SYT1: variants seen among roughly 807,000 people sequenced by gnomAD.
The protein encoded by SYT1 is synaptotagmin 1.
Under a neutral mutation model 44.8 loss-of-function variants are expected in SYT1, and 8 were observed. That is an observed-to-expected ratio of 0.18 (90% CI 0.10 to 0.32). The LOEUF is 0.32. Ranked by LOEUF, SYT1 falls within the 10% of genes least tolerant of loss-of-function variation. The pLI is 1.00. For missense variants in SYT1, 286 were observed against 509.3 expected, an observed-to-expected ratio of 0.56 and a Z score of 4.22; for synonymous variants, 154 against 188.8, an observed-to-expected ratio of 0.82 and a Z score of 1.51.
Position 79,451,406 on chromosome 12 carries a change from A to C in SYT1, c.*2282A>C, listed in dbSNP as rs1214884505. Reference sequence around the variant, plus strand: ...AAAGAGAGGGAGTTGACTGGCTTTTAAAAAGTATTTAAATACCACAAATGA... The same window carrying C: ...AAAGAGAGGGAGTTGACTGGCTTTTCAAAAGTATTTAAATACCACAAATGA... On this transcript the variant is annotated 3_prime_UTR_variant, in exon 11 of 11. Coordinates refer to ENST00000261205, the MANE Select transcript of SYT1 (RefSeq NM_005639.3). The C allele has an allele frequency of 6.6e-6, 1 of 152,270 alleles. No homozygotes were observed. Among genetic ancestry groups the C allele is most frequent in the Non-Finnish European group, 1.5e-5 (1 of 68,042 alleles). The allele number at this position is 152,270 out of a possible 1,614,324, so 9.4% of individuals were successfully genotyped here.
intron 8 of SYT1, among the ~76,000 whole-genome samples, chr12:79,336,812 T>G (rs1345955335): frequency 2.0e-5 from 3 of 152,158 alleles, no homozygotes; most frequent in Non-Finnish European, 4.4e-5. Flanking sequence ...TATTTTTTAT[T>G]TCATGTTATG....
At chr12:79,429,745 G>A (rs1869669943) in intron 9 of SYT1, among the ~76,000 whole-genome samples, 1 of 152,122 alleles carries the variant, frequency 6.6e-6, no homozygotes, top group East Asian at 1.9e-4. Flanking sequence ...TAGCCAGGAT[G>A]GTCTTCATCT....
At chr12:79,197,499 A>G (rs1873531691) in intron 3 of SYT1, among the ~76,000 whole-genome samples, 1 of 152,190 alleles carries the variant, frequency 6.6e-6, no homozygotes, top group South Asian at 2.1e-4. Flanking sequence ...AAGAAAGCAA[A>G]AAGAAAGTTA....
chr12:79,091,848 A>T (rs536118107), intron 3 of SYT1, among the ~76,000 whole-genome samples: 1 of 152,006 alleles, frequency 6.6e-6, no homozygotes, highest in African/African-American at 2.4e-5. Context: ...TAATCACAAT[A>T]AAACTAATTT....
chr12:79,198,478 C>A (rs1218127625), intron 3 of SYT1, among the ~76,000 whole-genome samples: 1 of 151,428 alleles, frequency 6.6e-6, no homozygotes, highest in Non-Finnish European at 1.5e-5. Flanking sequence ...TGGGAATAGC[C>A]AAATATTTGA....
chr12:79,190,323 T>C (rs1186343143), intron 3 of SYT1, among the ~76,000 whole-genome samples: 2 of 152,042 alleles, frequency 1.3e-5, no homozygotes, highest in African/African-American at 4.8e-5. Flanking sequence ...ATCAACTTTC[T>C]CAGAAAGCTC....
chr12:79,212,995 A>G (rs1226090431), intron 3 of SYT1, among the ~76,000 whole-genome samples: 1 of 152,200 alleles, frequency 6.6e-6, no homozygotes, highest in Non-Finnish European at 1.5e-5. Context: ...TGCCTAATAA[A>G]TGGAATCATT....
At chr12:79,232,104 G>A (rs1875904280) in intron 4 of SYT1, among the ~76,000 whole-genome samples, 1 of 152,166 alleles carries the variant, frequency 6.6e-6, no homozygotes. Flanking sequence ...CTTTACCTCT[G>A]GGAAGGTGTG....
At chr12:79,298,064 C>G (rs1879958458) in intron 7 of SYT1, among the ~76,000 whole-genome samples, 1 of 152,032 alleles carries the variant, frequency 6.6e-6, no homozygotes, top group African/African-American at 2.4e-5. Context: ...AATCACGTGC[C>G]CCAGGCCCTT....
At chr12:78,920,522 TTTC>T (rs1214038017) in intron 1 of SYT1, among the ~76,000 whole-genome samples, 1 of 151,766 alleles carries the variant, frequency 6.6e-6, no homozygotes, top group Non-Finnish European at 1.5e-5. Context: ...CATGTTTTAA[TTTC>T]TTCTTTTACC....
At chr12:79,424,835 T>G (rs529766140) in intron 9 of SYT1, among the ~76,000 whole-genome samples, 30 of 148,038 alleles carry the variant, frequency 2.0e-4, no homozygotes, top group Middle Eastern at 6.9e-3. Flanking sequence ...TAGTGTTTTG[T>G]TTTTTTTTTA....
rs116286224 is a variant in SYT1 at position 79,302,414 on chromosome 12, C to G, written c.810+2863C>G. Among the ~76,000 whole-genome samples the G allele has an allele frequency of 7.3e-3, 1,105 of 152,140 alleles. 14 individuals carry two copies. Among genetic ancestry groups the G allele is most frequent in the African/African-American group, 0.025 (1,054 of 41,492 alleles). ...TAAGGTTTTATTGCCAGAAAGTTGA[C>G]AACTATAAGTCATAAGATGATGAAG... is the stretch of plus-strand genomic sequence containing the variant. On this transcript the variant is annotated intron_variant, in intron 8 of 10. Coordinates refer to ENST00000261205, the MANE Select transcript of SYT1 (RefSeq NM_005639.3).
At chr12:79,427,510 C>T (rs967142881) in intron 9 of SYT1, among the ~76,000 whole-genome samples, 3 of 152,142 alleles carry the variant, frequency 2.0e-5, no homozygotes, top group Non-Finnish European at 2.9e-5. Flanking sequence ...ACAATAAAAA[C>T]GGAAATGGTT....
At position 79,052,617 on chromosome 12, in the gene SYT1, G is replaced by T. The variant is rs1322552116; in HGVS notation, c.-18+5255G>T. The stretch of plus-strand genomic sequence containing the variant: ...TTTGCAATCTACTCATCTGACAAAG[G>T]GCTAATATCCAGAATCTACAATGAA... On this transcript the variant is annotated intron_variant, in intron 3 of 10. Coordinates refer to ENST00000261205, the MANE Select transcript of SYT1 (RefSeq NM_005639.3). Among the ~76,000 whole-genome samples, 4 of 152,014 alleles carry T rather than the reference G, an allele frequency of 2.6e-5. No homozygotes were observed. In the East Asian group the frequency reaches 7.8e-4, roughly 29 times the overall value.
chr12:79,350,099 G>A (rs1004752156), intron 8 of SYT1, among the ~76,000 whole-genome samples: 5 of 152,066 alleles, frequency 3.3e-5, no homozygotes, highest in African/African-American at 7.2e-5. Context: ...TAACAACACT[G>A]GCTTACTATA....
chr12:78,907,151 CAG>C (rs1876035899), intron 1 of SYT1, among the ~76,000 whole-genome samples: 1 of 151,740 alleles, frequency 6.6e-6, no homozygotes, highest in South Asian at 2.1e-4. Context: ...ACATTATCTT[CAG>C]TTGGGTGTCA....
chr12:79,176,024 G>T (rs981063106), intron 3 of SYT1, among the ~76,000 whole-genome samples: 4 of 151,940 alleles, frequency 2.6e-5, no homozygotes, highest in African/African-American at 4.8e-5. Flanking sequence ...GGTGTGGAGG[G>T]TCACACCTGT....
At chr12:78,929,105 T>C (rs1877470560) in intron 1 of SYT1, among the ~76,000 whole-genome samples, 4 of 151,734 alleles carry the variant, frequency 2.6e-5, no homozygotes, top group South Asian at 2.1e-4. Context: ...GATAAATATA[T>C]AAAAAGTTAT....
At chr12:79,421,313 C>T (rs920624085) in intron 9 of SYT1, among the ~76,000 whole-genome samples, 1 of 152,124 alleles carries the variant, frequency 6.6e-6, no homozygotes, top group Non-Finnish European at 1.5e-5. Flanking sequence ...ATGAGATCTG[C>T]TGCTTTTTCA....
Sources: allele counts gnomAD v4.1 joint callset (sites outside exome capture counted in the v4.1 genomes callset), GRCh38; gene constraint gnomAD v4.1.1; transcripts MANE v1.5; gene names NCBI Gene and HGNC (gene_info 2026-07-23, HGNC 2026-07-21).